The following ITGB5 variants were observed in gnomAD, a reference collection of about 807,000 sequenced individuals.
The protein encoded by ITGB5 is integrin subunit beta 5.
In ITGB5, 38 loss-of-function variants were observed where a neutral mutation model predicts 84.8. The ratio of observed to expected loss-of-function variants is 0.45; its 90% CI spans 0.35 to 0.59. ITGB5 has a LOEUF of 0.59. ITGB5 is among the 20% of genes least tolerant of loss of function. ITGB5 has a pLI of 0.01. For synonymous variants in ITGB5, 393 were observed against 414.4 expected (o/e 0.95, Z 0.63); for missense variants, 905 against 1,034.5 (o/e 0.87, Z 1.72).
At chr3:124,776,159 C>T (rs895432277) in intron 10 of ITGB5, among the ~76,000 whole-genome samples, 2 of 152,238 alleles carry the variant, frequency 1.3e-5, no homozygotes, top group African/African-American at 4.8e-5. Flanking sequence ...CAGTGTCTCG[C>T]AGCTCAAGGG....
intron 8 of ITGB5, among the ~76,000 whole-genome samples, chr3:124,812,142 A>C (rs750845727): frequency 1.2e-4 from 19 of 152,180 alleles, no homozygotes; most frequent in Admixed American, 6.5e-5. Context: ...GATCCCTGTC[A>C]CACATTAGGC....
In ITGB5 at chr3:124,841,493, T is replaced by G. The variant is rs772141025; in HGVS notation, c.670A>C (p.Thr224Pro). ...TCATTGAAGCTGTCCACTCTGTCTGTGAGAGGCAGCAGATGGCGGAACCCA... is the reference window on the plus strand; with the variant it reads ...TCATTGAAGCTGTCCACTCTGTCTGGGAGAGGCAGCAGATGGCGGAACCCA... ...SFGFRHLLPL[T>P]DRVDSFNEEV... Residue 224 changes from threonine (T) to proline (P), a missense_variant, in exon 5 of 15, where the codon ACA becomes CCA. By Grantham distance (38) the Thr-to-Pro change is conservative. Around this residue, in one of 3 missense-constraint regions of ITGB5, gnomAD observed 656 missense variants for 734.7 expected, o/e 0.89. Transcript: ENST00000296181. 1 of 1,614,110 alleles carries G rather than the reference T, an allele frequency of 6.2e-7. No individual in the cohort carries two copies. Among genetic ancestry groups the G allele is most frequent in the Admixed American group, 1.7e-5 (1 of 60,024 alleles).
chr3:124,875,188 G>A (rs1934249485), intron 1 of ITGB5, among the ~76,000 whole-genome samples: 1 of 152,060 alleles, frequency 6.6e-6, no homozygotes, highest in Non-Finnish European at 1.5e-5. Flanking sequence ...TTACAAAAAT[G>A]AGCAATGGGC....
rs2063738898 is a variant in ITGB5 at position 124,764,483 on chromosome 3, G to A, written c.2212C>T (p.Leu738Phe). 9 of 1,614,108 alleles carry A rather than the reference G, an allele frequency of 5.6e-6. No individual in the cohort carries two copies. The highest frequency in any genetic ancestry group is 7.6e-6 in the Non-Finnish European group (9 of 1,180,002). The change falls in exon 14 of 15, where the codon CTC becomes TTC. Residue 738 changes from leucine to phenylalanine, a missense_variant. By Grantham distance (22) the Leu-to-Phe change is conservative (BLOSUM62 0). This residue lies in a region of ITGB5 where 133 missense variants were observed against 122.8 expected (regional missense o/e 1.08). Transcript: ENST00000296181. The stretch of plus-strand genomic sequence containing the variant: ...ACAAGCAGCTTCCAGATAGCCAGGA[G>A]TGCAAGCCCAACAAGGAGGATGCTA... Reference protein sequence around the residue: ...VGSILLVGLALLAIWKLLVTI... With the variant: ...VGSILLVGLAFLAIWKLLVTI...
intron 2 of ITGB5, among the ~76,000 whole-genome samples, chr3:124,865,582 G>A (rs2065377568): frequency 7.0e-6 from 1 of 142,500 alleles, no homozygotes; most frequent in African/African-American, 2.7e-5. Context: ...AACTTCCTAG[G>A]CTCAAGCTGT....
chr3:124,821,708 G>A (rs946644050), intron 5 of ITGB5, among the ~76,000 whole-genome samples: 2 of 152,172 alleles, frequency 1.3e-5, no homozygotes, highest in African/African-American at 2.4e-5. Flanking sequence ...CCAAGTCTTT[G>A]CCCACTTTGG....
In ITGB5 at chr3:124,764,561, G is replaced by A. The variant is rs753037396; in HGVS notation, c.2138-4C>T. 1.2e-6 allele frequency: 2 copies of A among 1,602,444 alleles called. No individual in the cohort carries two copies. The highest frequency in any genetic ancestry group is 2.7e-5 in the African/African-American group (2 of 74,724). On this transcript the variant is annotated splice_polypyrimidine_tract_variant and splice_region_variant and intron_variant, in intron 13 of 14. Transcript: ENST00000296181. ...GCGTTGGGGGTGTTTCCACACTCTG[G>A]GGGGACCAGAAGCATGGTAAGCAAA...
chr3:124,890,368 T>A (rs1934973482), upstream of ITGB5, among the ~76,000 whole-genome samples: 1 of 151,820 alleles, frequency 6.6e-6, no homozygotes, highest in Admixed American at 6.6e-5. Flanking sequence ...CACACCTGGC[T>A]GATTTTTTTT....
intron 1 of ITGB5, among the ~76,000 whole-genome samples, chr3:124,893,950 C>CT (rs1289232333): frequency 1.3e-5 from 2 of 152,106 alleles, no homozygotes; most frequent in Admixed American, 1.3e-4. Flanking sequence ...CACACACAAG[C>CT]ATTTAATGAC....
chr3:124,842,353 A>C (rs1020743342), intron 4 of ITGB5, among the ~76,000 whole-genome samples: 3 of 152,196 alleles, frequency 2.0e-5, no homozygotes, highest in Admixed American at 2.0e-4. Context: ...CCTATTCCTG[A>C]AGGGAGTTAC....
At chr3:124,848,185 A>G in intron 4 of ITGB5, 124 bp downstream of exon 4, 1 of 1,060,062 alleles carries the variant, frequency 9.4e-7, no homozygotes, top group Non-Finnish European at 1.4e-6. Flanking sequence ...TAATCAAATT[A>G]AACGCCTAAG....
chr3:124,770,478 G>C (rs1348432682), intron 11 of ITGB5, among the ~76,000 whole-genome samples: 1 of 152,224 alleles, frequency 6.6e-6, no homozygotes, highest in African/African-American at 2.4e-5. Flanking sequence ...CTGCAATGTA[G>C]AGCCTTTATC....
intron 2 of ITGB5, 65 bp from the exon 3 acceptor site, chr3:124,859,511 T>C: frequency 7.6e-7 from 1 of 1,307,642 alleles, no homozygotes; most frequent in Non-Finnish European, 1.1e-6. Context: ...ACATCGCATG[T>C]CGTGGCTGCG....
At chr3:124,801,426 TCTC>T (rs901287605) in intron 9 of ITGB5, among the ~76,000 whole-genome samples, 1 of 152,092 alleles carries the variant, frequency 6.6e-6, no homozygotes, top group Non-Finnish European at 1.5e-5. Flanking sequence ...CCCTGCCACC[TCTC>T]CTGCTTCTTG....
intron 10 of ITGB5, among the ~76,000 whole-genome samples, chr3:124,775,174 A>G (rs1454268466): frequency 6.6e-6 from 1 of 152,196 alleles, no homozygotes; most frequent in East Asian, 1.9e-4. Context: ...AGGGGCAGGA[A>G]TATCACTCGG....
At chr3:124,791,642 C>T (rs2064151711) in intron 10 of ITGB5, 1 of 152,404 alleles carries the variant, frequency 6.6e-6, no homozygotes, top group Non-Finnish European at 1.5e-5. Flanking sequence ...CAGACCACAA[C>T]CACACGATTT....
intron 9 of ITGB5, among the ~76,000 whole-genome samples, chr3:124,805,441 C>T (rs1488049413): frequency 1.3e-5 from 2 of 151,782 alleles, no homozygotes; most frequent in Non-Finnish European, 2.9e-5. Context: ...CTGTGCCTAG[C>T]CATTACTGCC....
intron 5 of ITGB5, among the ~76,000 whole-genome samples, chr3:124,824,606 C>T (rs1579255086): frequency 6.6e-6 from 1 of 152,104 alleles, no homozygotes; most frequent in Non-Finnish European, 1.5e-5. Context: ...AGGGCACAGA[C>T]TGGGAGAAAA....
intron 10 of ITGB5, among the ~76,000 whole-genome samples, chr3:124,775,688 A>T (rs933794946): frequency 3.9e-5 from 6 of 152,070 alleles, no homozygotes; most frequent in African/African-American, 1.4e-4. Context: ...CAGGGTGGGG[A>T]GACCTTTCAT....
Sources: allele counts gnomAD v4.1 joint callset (sites outside exome capture counted in the v4.1 genomes callset), GRCh38; gene constraint gnomAD v4.1.1; regional missense constraint gnomAD v4.1.1; transcripts MANE v1.5; gene names NCBI Gene and HGNC (gene_info 2026-07-23, HGNC 2026-07-21).